Variants in FOXN3 observed in about 807,000 individuals in gnomAD.
The protein encoded by FOXN3 is forkhead box protein N3.
A neutral mutation model predicts 38.4 loss-of-function variants in FOXN3; 7 were observed. The observed-to-expected ratio is 0.18, with a 90% CI of 0.10 to 0.34. FOXN3 has a LOEUF of 0.34. FOXN3 is among the 10% of genes least tolerant of loss of function. The pLI, the probability that FOXN3 is intolerant of heterozygous loss-of-function variation, is 1.00. For missense variants in FOXN3, 456 were observed against 613.4 expected, an observed-to-expected ratio of 0.74 and a Z score of 2.71; for synonymous variants, 230 against 242.2, an observed-to-expected ratio of 0.95 and a Z score of 0.47.
At chr14:89,352,489 A>C (rs1018653028) in intron 2 of FOXN3, among the ~76,000 whole-genome samples, 3 of 152,110 alleles carry the variant, frequency 2.0e-5, no homozygotes, top group Non-Finnish European at 2.9e-5. Flanking sequence ...ACATAAAACA[A>C]ACCACCAAAT....
chr14:89,212,926 A>C (rs1884144842), intron 4 of FOXN3, among the ~76,000 whole-genome samples: 4 of 152,026 alleles, frequency 2.6e-5, no homozygotes, highest in Admixed American at 2.6e-4. Flanking sequence ...GTTATAAAAA[A>C]CTCAGGTCTT....
chr14:89,571,744 G>T (rs980194625), intron 1 of FOXN3, among the ~76,000 whole-genome samples: 2 of 152,118 alleles, frequency 1.3e-5, no homozygotes, highest in African/African-American at 4.8e-5. Context: ...TGGTAAGCCC[G>T]ATTTGGCCTT....
chr14:89,478,743 C>T (rs1005025708), intron 1 of FOXN3, among the ~76,000 whole-genome samples: 1 of 151,734 alleles, frequency 6.6e-6, no homozygotes. Context: ...ACCAGCCTGG[C>T]CAACATGGTG....
intron 1 of FOXN3, among the ~76,000 whole-genome samples, chr14:89,609,799 C>G (rs529138000): frequency 2.6e-4 from 39 of 151,972 alleles, no homozygotes; most frequent in Non-Finnish European, 3.7e-4. Flanking sequence ...AGGGAAGCAC[C>G]AGTAAGGGTT....
intron 1 of FOXN3, among the ~76,000 whole-genome samples, chr14:89,584,683 T>A (rs1341567879): frequency 6.6e-6 from 1 of 152,126 alleles, no homozygotes; most frequent in Non-Finnish European, 1.5e-5. Context: ...TGGTAAAGTG[T>A]CTTTTCTCTT....
At chr14:89,550,881 C>T (rs967953745) in intron 1 of FOXN3, among the ~76,000 whole-genome samples, 3 of 152,138 alleles carry the variant, frequency 2.0e-5, no homozygotes, top group African/African-American at 4.8e-5. Flanking sequence ...ACGGAGAGAG[C>T]GAGAGACTCT....
intron 2 of FOXN3, chr14:89,356,595 T>C (rs1889236872): frequency 6.6e-6 from 1 of 152,200 alleles, no homozygotes; most frequent in South Asian, 2.1e-4. Flanking sequence ...TGGGTGTGTG[T>C]TGGTGATCTT....
intron 1 of FOXN3, among the ~76,000 whole-genome samples, chr14:89,546,020 G>A (rs1894874358): frequency 6.6e-6 from 1 of 152,210 alleles, no homozygotes; most frequent in South Asian, 2.1e-4. Context: ...AAGGTTAGAT[G>A]ATTTTGTTTT....
chr14:89,556,765 C>G (rs1640605327), intron 1 of FOXN3, among the ~76,000 whole-genome samples: 1 of 152,202 alleles, frequency 6.6e-6, no homozygotes, highest in South Asian at 2.1e-4. Context: ...CCCAAGCCGT[C>G]TCTGGCCTAT....
chr14:89,187,284 G>T, intron 4 of FOXN3, among the ~76,000 whole-genome samples: 1 of 152,174 alleles, frequency 6.6e-6, no homozygotes, highest in East Asian at 1.9e-4. Context: ...TATCAACAGA[G>T]CCCAGCCATA....
chr14:89,464,425 A>G (rs1409449730), intron 1 of FOXN3, among the ~76,000 whole-genome samples: 1 of 152,180 alleles, frequency 6.6e-6, no homozygotes. Context: ...CATGGTATCA[A>G]GCTATCTTTT....
chr14:89,554,475 G>A (rs1461103239), intron 1 of FOXN3, among the ~76,000 whole-genome samples: 1 of 152,044 alleles, frequency 6.6e-6, no homozygotes, highest in African/African-American at 2.4e-5. Context: ...AAGGAGAGTT[G>A]GGGCTTTGGT....
At chr14:89,522,289 T>C (rs1450227597) in intron 1 of FOXN3, among the ~76,000 whole-genome samples, 2 of 152,040 alleles carry the variant, frequency 1.3e-5, no homozygotes, top group Admixed American at 6.6e-5. Context: ...CAAAATGAAA[T>C]AAAGGCTTCC....
At chr14:89,165,218 C>T (rs1887209548) in intron 5 of FOXN3, among the ~76,000 whole-genome samples, 1 of 152,214 alleles carries the variant, frequency 6.6e-6, no homozygotes. Flanking sequence ...GGCTTGCAAG[C>T]CACACACGCC....
chr14:89,360,588 G>A (rs1320038139), intron 2 of FOXN3, among the ~76,000 whole-genome samples: 1 of 149,268 alleles, frequency 6.7e-6, no homozygotes. Flanking sequence ...GAAGAAGAAA[G>A]GGAGAGAGGG....
At chr14:89,389,465 C>G (rs192793928) in intron 2 of FOXN3, among the ~76,000 whole-genome samples, 3 of 152,184 alleles carry the variant, frequency 2.0e-5, no homozygotes, top group African/African-American at 7.2e-5. Context: ...CAAAGATTCA[C>G]GCCAATTGAT....
chr14:89,562,703 T>A (rs1226233141), intron 1 of FOXN3, among the ~76,000 whole-genome samples: 2 of 152,218 alleles, frequency 1.3e-5, no homozygotes, highest in African/African-American at 4.8e-5. Flanking sequence ...CAAACCTTGA[T>A]GCTGTCAAAA....
At chr14:89,282,840 C>T (rs968373598) in intron 3 of FOXN3, among the ~76,000 whole-genome samples, 4 of 152,102 alleles carry the variant, frequency 2.6e-5, no homozygotes, top group Non-Finnish European at 4.4e-5. Context: ...GAATGAAGGT[C>T]GGATAAATCC....
At chr14:89,453,561 A>G (rs1263618311) in intron 1 of FOXN3, among the ~76,000 whole-genome samples, 3 of 149,438 alleles carry the variant, frequency 2.0e-5, no homozygotes, top group Non-Finnish European at 3.0e-5. Context: ...CTCCGTCTCA[A>G]AAAAAAAAAA....
Sources: gnomAD v4.1 joint callset for allele counts (sites outside exome capture counted in the v4.1 genomes callset) on GRCh38, gnomAD v4.1.1 for gene constraint, MANE v1.5 for transcripts, NCBI Gene and HGNC (gene_info 2026-07-23, HGNC 2026-07-21) for gene names.